Variants in PTPRN2 observed in about 807,000 individuals in gnomAD.
PTPRN2 encodes the protein protein tyrosine phosphatase receptor type N2.
A neutral mutation model predicts 118.8 loss-of-function variants in PTPRN2; 74 were observed. The ratio of observed to expected loss-of-function variants is 0.62; its 90% confidence interval spans 0.52 to 0.76. The LOEUF is 0.76. PTPRN2 is among the 30% of genes least tolerant of loss of function. PTPRN2 has a pLI of 0.00. For missense variants in PTPRN2, 1,481 were observed against 1,394.4 expected, an observed-to-expected ratio of 1.06 and a Z score of -0.99; for synonymous variants, 641 against 608.0, an observed-to-expected ratio of 1.05 and a Z score of -0.80.
chr7:157,888,854 T>TA (rs1284499231), intron 12 of PTPRN2, among the ~76,000 whole-genome samples: 1 of 152,036 alleles, frequency 6.6e-6, no homozygotes, highest in Non-Finnish European at 1.5e-5. Flanking sequence ...ATTTAGGTTG[T>TA]AAAAAATGGT....
In PTPRN2 at chr7:157,981,999, T is replaced by C. The variant is rs56314636; in HGVS notation, c.1724-83262A>G. On this transcript the variant is annotated intron_variant, in intron 11 of 22. Transcript: ENST00000389418. ...GGTACCGCCCAGAACCCCTGAGTCATAGAGACAAGGAGGGGAATGCAGAGT... is the reference window on the plus strand; with the variant it reads ...GGTACCGCCCAGAACCCCTGAGTCACAGAGACAAGGAGGGGAATGCAGAGT... Among the ~76,000 whole-genome samples, 9 of 133,148 alleles carry C rather than the reference T, an allele frequency of 6.8e-5. 1 individual carries two copies. Among genetic ancestry groups the C allele is most frequent in the Admixed American group, 3.1e-4 (4 of 12,828 alleles). 87.4% of individuals were successfully genotyped at this position (133,148 alleles called of 152,430 possible).
At chr7:158,492,632 A>T (rs910035045) in intron 1 of PTPRN2, among the ~76,000 whole-genome samples, 2 of 152,198 alleles carry the variant, frequency 1.3e-5, no homozygotes, top group Non-Finnish European at 2.9e-5. Context: ...ATTTCACATG[A>T]TTACCAGAGC....
chr7:158,510,894 G>A (rs773779685), intron 1 of PTPRN2, among the ~76,000 whole-genome samples: 27 of 152,370 alleles, frequency 1.8e-4, no homozygotes, highest in Non-Finnish European at 3.7e-4. Context: ...CGAGTTCCCA[G>A]CAGTGGGAGG....
At chr7:157,646,556 A>G (rs1448197816) in intron 14 of PTPRN2, among the ~76,000 whole-genome samples, 1 of 152,164 alleles carries the variant, frequency 6.6e-6, no homozygotes, top group Non-Finnish European at 1.5e-5. Flanking sequence ...ACAACAGCCT[A>G]ACACACCTGT....
intron 2 of PTPRN2, among the ~76,000 whole-genome samples, chr7:158,400,993 G>A (rs920943517): frequency 2.6e-5 from 4 of 152,150 alleles, no homozygotes; most frequent in African/African-American, 7.2e-5. Flanking sequence ...CGACTGCGGT[G>A]GGCCCTGCTC....
At position 158,418,629 on chromosome 7, in the gene PTPRN2, G is replaced by A. The variant is rs190323064; in HGVS notation, c.163+71106C>T. Among the ~76,000 whole-genome samples the A allele has an allele frequency of 4.2e-3, 607 of 145,504 alleles. 6 individuals carry two copies. Among genetic ancestry groups the A allele is most frequent in the African/African-American group, 0.013 (515 of 39,328 alleles). ...TCCGTGTCCCGCTGTGTTAAGTCACGGTGTACTACATCAAGATGCTGTAGC... is the reference window on the plus strand; with the variant it reads ...TCCGTGTCCCGCTGTGTTAAGTCACAGTGTACTACATCAAGATGCTGTAGC... On this transcript the variant is annotated intron_variant, in intron 2 of 22. Transcript: ENST00000389418.
intron 2 of PTPRN2, among the ~76,000 whole-genome samples, chr7:158,452,238 G>T (rs1343275637): frequency 6.6e-6 from 1 of 152,136 alleles, no homozygotes; most frequent in African/African-American, 2.4e-5. Flanking sequence ...TTAGTCTCAT[G>T]TTTGTGTCTG....
At chr7:157,995,864 G>A (rs1190068613) in intron 11 of PTPRN2, among the ~76,000 whole-genome samples, 1 of 152,240 alleles carries the variant, frequency 6.6e-6, no homozygotes, top group South Asian at 2.1e-4. Flanking sequence ...AGCAAAACAT[G>A]AAATCGACGT....
chr7:157,926,609 C>T (rs1047290978), intron 11 of PTPRN2, among the ~76,000 whole-genome samples: 2 of 152,174 alleles, frequency 1.3e-5, no homozygotes, highest in East Asian at 1.9e-4. Context: ...AGTAACTGGG[C>T]GGGACTCCCT....
intron 2 of PTPRN2, among the ~76,000 whole-genome samples, chr7:158,332,759 A>G (rs1224793033): frequency 2.9e-5 from 4 of 136,760 alleles, no homozygotes; most frequent in Non-Finnish European, 6.2e-5. Flanking sequence ...CCCACAGAGG[A>G]CACTCACACC....
chr7:157,996,294 A>T (rs1804725970), intron 11 of PTPRN2, among the ~76,000 whole-genome samples: 1 of 152,210 alleles, frequency 6.6e-6, no homozygotes, highest in Admixed American at 6.5e-5. Flanking sequence ...GGGAAGGGAG[A>T]GGAGGGTGAG....
intron 1 of PTPRN2, among the ~76,000 whole-genome samples, chr7:158,551,075 G>C (rs1826624626): frequency 6.6e-6 from 1 of 152,226 alleles, no homozygotes; most frequent in African/African-American, 2.4e-5. Flanking sequence ...CAGCTGCTGT[G>C]GCAGAACACC....
At chr7:158,340,535 C>G (rs1563174592) in intron 2 of PTPRN2, among the ~76,000 whole-genome samples, 2 of 127,322 alleles carry the variant, frequency 1.6e-5, no homozygotes, top group African/African-American at 5.8e-5. Context: ...ACCATAAGAG[C>G]TGTCGCCCGC....
chr7:157,960,103 C>T (rs559748666), intron 11 of PTPRN2, among the ~76,000 whole-genome samples: 1 of 150,418 alleles, frequency 6.6e-6, no homozygotes, highest in South Asian at 2.1e-4. Context: ...ATTATGATCC[C>T]ACTTCTCTGA....
In PTPRN2 at chr7:157,587,711, C is replaced by T. The variant is rs573746861; in HGVS notation, c.2496+7527G>A. Among the ~76,000 whole-genome samples the T allele has an allele frequency of 6.6e-6, 1 of 152,224 alleles. No individual in the cohort carries two copies. Among genetic ancestry groups the T allele is most frequent in the Non-Finnish European group, 1.5e-5 (1 of 68,034 alleles). Reference sequence around the variant, plus strand: ...GAGCGCTTTGTGCTCTCTCTGGGGGCCAGGAGAGCTGTTTCGTGTCTGACT... The same window carrying T: ...GAGCGCTTTGTGCTCTCTCTGGGGGTCAGGAGAGCTGTTTCGTGTCTGACT... On this transcript the variant is annotated intron_variant, in intron 17 of 22. Transcript: ENST00000389418. The surrounding 1 kb of genome is among the most constrained non-coding windows in gnomAD (Gnocchi z 5.3).
rs1039043860 is a variant in PTPRN2, at chr7:158,438,207, G to A, written c.163+51528C>T. On this transcript the variant is annotated intron_variant, in intron 2 of 22. Coordinates refer to ENST00000389418, the MANE Select transcript of PTPRN2 (RefSeq NM_002847.5). The surrounding 1 kb of genome is among the most constrained non-coding windows in gnomAD (Gnocchi z 4.7). ...AGCCTGGCCAACATGGTGAAACCCC[G>A]TCTCTACTAAAAATACAAAAATTAG... Among the ~76,000 whole-genome samples, 20 of 151,970 alleles carry A rather than the reference G, an allele frequency of 1.3e-4. No individual in the cohort carries two copies. Among genetic ancestry groups the A allele is most frequent in the East Asian group, 3.9e-4 (2 of 5,174 alleles).
Position 158,372,319 on chromosome 7 carries a change from C to G in PTPRN2, c.164-55387G>C, listed in dbSNP as rs879217726. ...AGCTGGTCCCCCCAACGCTGGTCCC[C>G]GGAGCTGGTCCCCCCAACGCTGGTC... On this transcript the variant is annotated intron_variant, in intron 2 of 22. Transcript: ENST00000389418. 1.7e-4 allele frequency among the ~76,000 whole-genome samples: 24 copies of G among 143,784 alleles called. 1 individual carries two copies. The highest frequency in any genetic ancestry group is 4.6e-4 in the South Asian group (2 of 4,312). The allele number at this position is 143,784 out of a possible 152,430, so 94.3% of individuals were successfully genotyped here.
chr7:158,033,869 C>T (rs1361126128), intron 11 of PTPRN2, among the ~76,000 whole-genome samples: 1 of 147,404 alleles, frequency 6.8e-6, no homozygotes, highest in Non-Finnish European at 1.5e-5. Context: ...GTCAGCAATG[C>T]TCTGTGTGGC....
chr7:157,767,375 T>C (rs998699631), intron 12 of PTPRN2, among the ~76,000 whole-genome samples: 3 of 152,250 alleles, frequency 2.0e-5, no homozygotes, highest in African/African-American at 7.2e-5. Context: ...CTGACTGCCA[T>C]GTTATCTGTG....
Sources: gnomAD v4.1 joint callset for allele counts (sites outside exome capture counted in the v4.1 genomes callset) on GRCh38, gnomAD v4.1.1 for gene constraint, Gnocchi (gnomAD v3.1) non-coding constraint, MANE v1.5 for transcripts, NCBI Gene and HGNC (gene_info 2026-07-23, HGNC 2026-07-21) for gene names.